Variants in JAZF1 observed in about 807,000 individuals in gnomAD.
JAZF1 encodes JAZF zinc finger 1, also known as juxtaposed with another zinc finger protein 1.
A neutral mutation model predicts 26.4 loss-of-function variants in JAZF1; 8 were observed. The ratio of observed to expected loss-of-function variants is 0.30; its 90% CI spans 0.18 to 0.55. JAZF1 has a LOEUF of 0.55. JAZF1 is among the 20% of genes least tolerant of loss of function. JAZF1 has a pLI of 0.94. For missense variants in JAZF1, 199 were observed against 322.0 expected (o/e 0.62, Z 2.92); for synonymous variants, 126 against 122.3 (o/e 1.03, Z -0.20).
At chr7:27,957,559 G>A (rs1049769556) in intron 2 of JAZF1, among the ~76,000 whole-genome samples, 7 of 152,128 alleles carry the variant, frequency 4.6e-5, no homozygotes, top group African/African-American at 1.4e-4. Context: ...GGAGCACTTT[G>A]GTTACCCTGG....
At chr7:27,957,774 T>A (rs1785123623) in intron 2 of JAZF1, among the ~76,000 whole-genome samples, 1 of 152,246 alleles carries the variant, frequency 6.6e-6, no homozygotes, top group African/African-American at 2.4e-5. Flanking sequence ...ATAGCTAGAC[T>A]ATGACAAATC....
At chr7:28,018,699 C>T (rs1782943606) in intron 1 of JAZF1, among the ~76,000 whole-genome samples, 1 of 152,194 alleles carries the variant, frequency 6.6e-6, no homozygotes, top group Non-Finnish European at 1.5e-5. Context: ...CTGAATACAA[C>T]ATATTCTATG....
rs1231145665 is a variant in JAZF1, at chr7:27,998,093, G to GGCAGGCAGGCAGGCAA, written c.116-6113_116-6112insTTGCCTGCCTGCCTGC. 3.3e-5 allele frequency among the ~76,000 whole-genome samples: 5 copies of GGCAGGCAGGCAGGCAA among 152,070 alleles called. No individual in the cohort carries two copies. The South Asian group carries it at 6.3e-4, about 19-fold the overall frequency. On this transcript the variant is annotated intron_variant, in intron 1 of 4. Coordinates refer to ENST00000283928, the MANE Select transcript of JAZF1 (RefSeq NM_175061.4). ...AGGAAGGCAGGCAGGCAGGCAGGCAGGCAGACATGAGCAAAGTAACAAACA... is the reference window on the plus strand; with the variant it reads ...AGGAAGGCAGGCAGGCAGGCAGGCAGGCAGGCAGGCAGGCAAGCAGACATGAGCAAAGTAACAAACA...
At chr7:27,905,628 A>T (rs1784242409) in intron 2 of JAZF1, among the ~76,000 whole-genome samples, 1 of 149,440 alleles carries the variant, frequency 6.7e-6, no homozygotes, top group South Asian at 2.1e-4. Context: ...TCTCTTTGGT[A>T]TATTATAGTT....
intron 3 of JAZF1, among the ~76,000 whole-genome samples, chr7:27,854,409 T>G (rs1783206297): frequency 6.6e-6 from 1 of 152,264 alleles, no homozygotes; most frequent in Non-Finnish European, 1.5e-5. Context: ...GATCCTGTCA[T>G]TATGATGATA....
At chr7:27,904,043 T>C (rs1160175188) in intron 2 of JAZF1, among the ~76,000 whole-genome samples, 1 of 152,192 alleles carries the variant, frequency 6.6e-6, no homozygotes, top group Non-Finnish European at 1.5e-5. Context: ...GACATGACAA[T>C]CTAACCTTCT....
intron 1 of JAZF1, among the ~76,000 whole-genome samples, chr7:28,067,949 T>C (rs1783911152): frequency 6.6e-6 from 1 of 152,176 alleles, no homozygotes; most frequent in Non-Finnish European, 1.5e-5. Context: ...GTTTCGCTCT[T>C]GTTGCCCAAG....
intron 3 of JAZF1, among the ~76,000 whole-genome samples, chr7:27,851,021 C>G (rs544353877): frequency 6.6e-6 from 1 of 152,282 alleles, no homozygotes; most frequent in East Asian, 1.9e-4. Flanking sequence ...TGGCTCACTG[C>G]AACTTCCACC....
intron 2 of JAZF1, among the ~76,000 whole-genome samples, chr7:27,933,262 T>C (rs960317542): frequency 1.3e-5 from 2 of 152,222 alleles, no homozygotes; most frequent in African/African-American, 4.8e-5. Context: ...TGAATACAGA[T>C]GGAGAATTCA....
chr7:27,934,058 T>C (rs888206719), intron 2 of JAZF1, among the ~76,000 whole-genome samples: 3 of 152,252 alleles, frequency 2.0e-5, no homozygotes, highest in Non-Finnish European at 4.4e-5. Context: ...CGCATGGAAA[T>C]TGAAAGAGTA....
At chr7:27,897,575 T>C (rs1784090732) in intron 2 of JAZF1, among the ~76,000 whole-genome samples, 1 of 152,228 alleles carries the variant, frequency 6.6e-6, no homozygotes, top group Non-Finnish European at 1.5e-5. Flanking sequence ...CTCTGACTGG[T>C]GAACTGCACA....
chr7:28,122,646 A>AC lies in JAZF1; in HGVS notation c.115+57816dup, dbSNP rs1442575164. On this transcript the variant is annotated intron_variant, in intron 1 of 4. Transcript: ENST00000283928. ...GGCCTGCCTTCCATCAATCCACCAG[A>AC]CCTGAACAGATGAAATATTAACGTA... 3.0e-4 allele frequency among the ~76,000 whole-genome samples: 45 copies of AC among 152,070 alleles called. 1 individual carries two copies. Among genetic ancestry groups the AC allele is most frequent in the Non-Finnish European group, 2.9e-5 (2 of 68,012 alleles).
At chr7:27,996,588 C>T (rs960856470) in intron 1 of JAZF1, among the ~76,000 whole-genome samples, 9 of 152,170 alleles carry the variant, frequency 5.9e-5, no homozygotes, top group African/African-American at 1.9e-4. Context: ...TCTTGGCCTT[C>T]CCCCAGCTAT....
At chr7:28,100,009 C>T in intron 1 of JAZF1, among the ~76,000 whole-genome samples, 1 of 152,098 alleles carries the variant, frequency 6.6e-6, no homozygotes, top group East Asian at 1.9e-4. Flanking sequence ...ATTATATATA[C>T]CCAAGTACTT....
chr7:27,860,268 C>T (rs1783354957), intron 3 of JAZF1, among the ~76,000 whole-genome samples: 1 of 152,126 alleles, frequency 6.6e-6, no homozygotes. Flanking sequence ...TATAAATTAG[C>T]CTTTGGGAAA....
At chr7:27,967,351 T>C (rs1785295189) in intron 2 of JAZF1, among the ~76,000 whole-genome samples, 2 of 152,006 alleles carry the variant, frequency 1.3e-5, no homozygotes, top group Admixed American at 1.3e-4. Flanking sequence ...TGGGGTCCTC[T>C]GCTTGCACAT....
intron 1 of JAZF1, among the ~76,000 whole-genome samples, chr7:28,116,938 C>T (rs1462474047): frequency 6.6e-6 from 1 of 152,194 alleles, no homozygotes; most frequent in Non-Finnish European, 1.5e-5. Flanking sequence ...ATTCTCCTGC[C>T]TCAGCCTCCC....
At chr7:27,922,939 A>C (rs1020652211) in intron 2 of JAZF1, among the ~76,000 whole-genome samples, 8 of 152,242 alleles carry the variant, frequency 5.3e-5, no homozygotes, top group South Asian at 2.1e-4. Context: ...GATGAAAAGA[A>C]TCAGATATTG....
intron 1 of JAZF1, among the ~76,000 whole-genome samples, chr7:28,066,128 G>A (rs188202509): frequency 6.7e-4 from 102 of 152,222 alleles, no homozygotes; most frequent in African/African-American, 2.1e-3. Flanking sequence ...TCTTTGCTAA[G>A]CTCATTACAG....
Sources: allele counts gnomAD v4.1 joint callset (sites outside exome capture counted in the v4.1 genomes callset), GRCh38; gene constraint gnomAD v4.1.1; transcripts MANE v1.5; gene names NCBI Gene and HGNC (gene_info 2026-07-23, HGNC 2026-07-21).